IRAG2: variants seen among roughly 807,000 people sequenced by gnomAD.
IRAG2 encodes the protein lymphoid restricted membrane protein.
In IRAG2, 45 loss-of-function variants were observed where a neutral mutation model predicts 69.9. That is an observed-to-expected ratio of 0.64 (90% CI 0.51 to 0.83). The LOEUF (loss-of-function observed/expected upper bound fraction) is 0.83. IRAG2 is among the 40% of genes least tolerant of loss of function. IRAG2 has a pLI of 0.00. For synonymous variants in IRAG2, 193 were observed against 202.4 expected, an observed-to-expected ratio of 0.95 and a Z score of 0.40; for missense variants, 520 against 587.0, an observed-to-expected ratio of 0.89 and a Z score of 1.18.
intron 18 of IRAG2, 43 bp from the exon 19 acceptor site, chr12:25,103,958 ATATAAACG>A: frequency 6.2e-7 from 1 of 1,603,090 alleles, no homozygotes; most frequent in Non-Finnish European, 8.5e-7. Context: ...ATGACAGAAA[ATATAAACG>A]TATATTTTAT....
At chr12:25,031,145 T>A (rs1162780350) in intron 10 of IRAG2, 1 of 893,914 alleles carries the variant, frequency 1.1e-6, no homozygotes, top group East Asian at 1.2e-4. Flanking sequence ...TCCATGCACA[T>A]TTTGAAGTTT....
intron 6 of IRAG2, among the ~76,000 whole-genome samples, chr12:25,018,854 T>C (rs549459777): frequency 6.6e-6 from 1 of 152,336 alleles, no homozygotes; most frequent in African/African-American, 2.4e-5. Context: ...AAGCCACGTG[T>C]CTTTCTCTTT....
chr12:25,094,136 G>C (rs1249267386), intron 14 of IRAG2, among the ~76,000 whole-genome samples: 1 of 151,954 alleles, frequency 6.6e-6, no homozygotes, highest in Non-Finnish European at 1.5e-5. Context: ...TGCTCTCGGT[G>C]TTATATCCAA....
intron 9 of IRAG2, among the ~76,000 whole-genome samples, chr12:25,081,242 C>T (rs1218304076): frequency 6.6e-6 from 1 of 152,118 alleles, no homozygotes; most frequent in Non-Finnish European, 1.5e-5. Flanking sequence ...GCAGGCAGAT[C>T]ACGAGGTCAG....
intron 3 of IRAG2, chr12:25,015,124 G>A (rs1944514209): frequency 2.6e-6 from 1 of 380,980 alleles, no homozygotes; most frequent in African/African-American, 3.5e-5. Flanking sequence ...ACAAAACTTG[G>A]TCAGGCAAAG....
intron 6 of IRAG2, among the ~76,000 whole-genome samples, chr12:25,077,317 G>GATATATATGATATATATATGAA: frequency 2.9e-5 from 1 of 34,366 alleles, no homozygotes; most frequent in Non-Finnish European, 5.7e-5. Flanking sequence ...TGATATATAT[G>GATATATATGATATATATATGAA]ATATATATAT....
Position 25,104,020 on chromosome 12 carries a change from G to A in IRAG2, c.1008G>A (p.Met336Ile). 1 of 1,613,384 alleles carries A rather than the reference G, an allele frequency of 6.2e-7. No individual in the cohort carries two copies. The highest frequency in any genetic ancestry group is 8.5e-7 in the Non-Finnish European group (1 of 1,179,624). Reference protein sequence around the residue: ...NIGNAGMVAGMENNDRFSRRS... With the variant: ...NIGNAGMVAGIENNDRFSRRS... ...AACTTCTACTAAAGGTGGCTGGGAT[G>A]GAAAATAATGATCGATTCAGTAGAA... Residue 336 changes from methionine (M) to isoleucine (I), a missense_variant, in exon 19 of 22, where the codon ATG (methionine) becomes ATA (isoleucine). Met to Ile is a conservative substitution (Grantham distance 10). Coordinates refer to ENST00000556887, the MANE Select transcript of IRAG2 (RefSeq NM_001366544.2).
chr12:25,018,717 C>G (rs1346967553), intron 6 of IRAG2, among the ~76,000 whole-genome samples: 2 of 152,172 alleles, frequency 1.3e-5, no homozygotes, highest in Non-Finnish European at 2.9e-5. Flanking sequence ...GTTGCAAGCA[C>G]TGGAATCTAA....
At chr12:25,005,148 AT>A in intron 1 of IRAG2, 1 of 576,470 alleles carries the variant, frequency 1.7e-6, no homozygotes. Flanking sequence ...GTTTATTATG[AT>A]AGGTTTTCTT....
At chr12:25,088,273 G>T in intron 11 of IRAG2, 116 bp downstream of exon 11, 1 of 819,686 alleles carries the variant, frequency 1.2e-6, no homozygotes, top group East Asian at 2.6e-5. Context: ...CTCTGGATAA[G>T]GTCAGTCAAT....
intron 6 of IRAG2, among the ~76,000 whole-genome samples, chr12:25,078,297 C>A (rs569748412): frequency 6.6e-6 from 1 of 152,142 alleles, no homozygotes; most frequent in Non-Finnish European, 1.5e-5. Context: ...CCTTAGTAAA[C>A]CTGTACTTTA....
At chr12:25,086,762 T>C (rs983678036) in intron 10 of IRAG2, among the ~76,000 whole-genome samples, 1 of 152,160 alleles carries the variant, frequency 6.6e-6, no homozygotes, top group African/African-American at 2.4e-5. Context: ...TCAAGTAAGA[T>C]AAAGACTGAA....
chr12:25,101,222 A>C lies in IRAG2; in HGVS notation c.786A>C (p.Val262=). Residue 262 remains valine (V), a synonymous_variant, in exon 16 of 22, where the codon GTA becomes GTC. Transcript: ENST00000556887. ...CAGTTGAAGTGATGATTCAGCACGTAGAAAACTTGAAGAGGATGTATGCCA... is the reference window on the plus strand; with the variant it reads ...CAGTTGAAGTGATGATTCAGCACGTCGAAAACTTGAAGAGGATGTATGCCA... ...SKAVEVMIQH[V]ENLKRMYAKE... The C allele has an allele frequency of 6.2e-7, 1 of 1,612,900 alleles. No homozygotes were observed. The highest frequency in any genetic ancestry group is 8.5e-7 in the Non-Finnish European group (1 of 1,179,330).
At chr12:25,036,787 TCTG>T (rs1944705475) in intron 15 of IRAG2, 1 of 395,920 alleles carries the variant, frequency 2.5e-6, no homozygotes, top group Non-Finnish European at 4.5e-6. Flanking sequence ...ATTGTAGTCT[TCTG>T]CTATCTTAGT....
chr12:25,104,198 C>A, intron 19 of IRAG2, 140 bp downstream of exon 19: 2 of 865,484 alleles, frequency 2.3e-6, no homozygotes, highest in Non-Finnish European at 3.6e-6. Context: ...AAATTGGTAT[C>A]TAATTATGAA....
chr12:25,011,962 G>A (rs900545704), intron 3 of IRAG2, among the ~76,000 whole-genome samples: 6 of 152,050 alleles, frequency 3.9e-5, no homozygotes, highest in Admixed American at 3.9e-4. Flanking sequence ...CCTTTTAAGG[G>A]CAGTGGGGCT....
At chr12:25,062,632 T>C (rs1945704458) in intron 2 of IRAG2, among the ~76,000 whole-genome samples, 188 bp from the exon 3 acceptor site, 1 of 152,204 alleles carries the variant, frequency 6.6e-6, no homozygotes, top group South Asian at 2.1e-4. Context: ...CTAGATCAAG[T>C]AATGGGGCAA....
At chr12:25,089,715 T>C (rs775693863) in intron 12 of IRAG2, 38 bp downstream of exon 12, 2 of 1,610,716 alleles carry the variant, frequency 1.2e-6, no homozygotes, top group East Asian at 4.5e-5. Context: ...ACATGTTTTA[T>C]TTTTCTGTTG....
chr12:25,031,888 C>G (rs1379892545), intron 10 of IRAG2, among the ~76,000 whole-genome samples: 2 of 152,190 alleles, frequency 1.3e-5, no homozygotes, highest in African/African-American at 2.4e-5. Context: ...TCTGGACCTC[C>G]CGACCTCAGG....
Sources: gnomAD v4.1 joint callset for allele counts (sites outside exome capture counted in the v4.1 genomes callset) on GRCh38, gnomAD v4.1.1 for gene constraint, MANE v1.5 for transcripts, NCBI Gene and HGNC (gene_info 2026-07-23, HGNC 2026-07-21) for gene names.